Variants in RHD observed in about 807,000 individuals in gnomAD.
RHD encodes the protein blood group Rh(D) polypeptide.
RHD carries 16 observed loss-of-function variants against 45.5 expected under a neutral mutation model. That is an observed-to-expected ratio of 0.35 (90% CI 0.24 to 0.53). The LOEUF (loss-of-function observed/expected upper bound fraction) is 0.53. RHD is among the 20% of genes least tolerant of loss of function. The pLI, the probability that RHD is intolerant of heterozygous loss-of-function variation, is 0.92. For synonymous variants in RHD, 131 were observed against 217.5 expected (o/e 0.60, Z 3.50); for missense variants, 306 against 532.0 (o/e 0.58, Z 4.18).
rs1462148036 is a variant in RHD, at chr1:25,299,152, C to T, written c.487-1794C>T. ...ATCCCAGCGCTTTGGGAGGCCAAGG[C>T]GGATGGATCACTTGAGGTCAGGAGT... On this transcript the variant is annotated intron_variant, in intron 3 of 9. Transcript: ENST00000328664. Among the ~76,000 whole-genome samples the T allele has an allele frequency of 1.2e-4, 15 of 123,740 alleles. 2 individuals are homozygous for T. The highest frequency in any genetic ancestry group is 1.0e-3 in the Admixed American group (13 of 12,722). 81.2% of individuals were successfully genotyped at this position (123,740 alleles called of 152,430 possible). A position where few individuals can be genotyped will look rare whatever the true frequency, so the allele number is the denominator to read the frequency against.
rs200713124 is a variant in RHD, at chr1:25,305,583, TTTGTTGTTGTTGTTG to T, written c.940-991_940-977del. 1.7e-5 allele frequency among the ~76,000 whole-genome samples: 2 copies of T among 118,812 alleles called. 1 individual carries two copies. Among genetic ancestry groups the T allele is most frequent in the Non-Finnish European group, 3.9e-5 (2 of 51,120 alleles). 77.9% of individuals were successfully genotyped at this position (118,812 alleles called of 152,430 possible). A position where few individuals can be genotyped will look rare whatever the true frequency, so the allele number is the denominator to read the frequency against. On this transcript the variant is annotated intron_variant, in intron 6 of 9. Coordinates refer to ENST00000328664, the MANE Select transcript of RHD (RefSeq NM_016124.6). ...GGCTAATTTTCGTGTGTGTATGTAT[TTTGTTGTTGTTGTTG>T]TTGTTGTTGTTGTTGTTGTTGAGAC...
rs1243386917 is a variant in RHD at position 25,291,274 on chromosome 1, G to T, written c.486+483G>T. ...ACCTGAGGTCAGGAGTTCAAGACCA[G>T]CCTGGTCAACATGGGGGAACCTCAT... On this transcript the variant is annotated intron_variant, in intron 3 of 9. Coordinates refer to ENST00000328664, the MANE Select transcript of RHD (RefSeq NM_016124.6). Among the ~76,000 whole-genome samples, 2 of 130,728 alleles carry T rather than the reference G, an allele frequency of 1.5e-5. 1 individual carries two copies. Among genetic ancestry groups the T allele is most frequent in the East Asian group, 3.9e-4 (2 of 5,108 alleles). The allele number at this position is 130,728 out of a possible 152,430, so 85.8% of individuals were successfully genotyped here. A position where few individuals can be genotyped will look rare whatever the true frequency, so the allele number is the denominator to read the frequency against.
intron 2 of RHD, among the ~76,000 whole-genome samples, chr1:25,289,024 G>C (rs1208013672): frequency 7.5e-6 from 1 of 133,870 alleles, no homozygotes; most frequent in Non-Finnish European, 1.8e-5. Flanking sequence ...CACTGGGGAA[G>C]CTGAGTCCAG....
At chr1:25,307,299 G>A (rs1264864939) in intron 7 of RHD, among the ~76,000 whole-genome samples, 2 of 131,838 alleles carry the variant, frequency 1.5e-5, no homozygotes, top group Admixed American at 1.5e-4. Flanking sequence ...CTCCAGACCA[G>A]AGGTAGGTCC....
chr1:25,287,498 G>T (rs975836275), intron 2 of RHD, among the ~76,000 whole-genome samples: 7 of 135,092 alleles, frequency 5.2e-5, no homozygotes, highest in African/African-American at 1.5e-4. Flanking sequence ...GTGCTGATGG[G>T]TGGTGCCCAG....
Position 25,309,320 on chromosome 1 carries a change from G to T in RHD, c.1073+2591G>T, listed in dbSNP as rs1317071825. ...TTTCAATTCTCAGTCCTTTGATTAC[G>T]TCAGGGAGAAAAGAAAGTCCCCACT... is the stretch of plus-strand genomic sequence containing the variant. On this transcript the variant is annotated intron_variant, in intron 7 of 9. Transcript: ENST00000328664. Among the ~76,000 whole-genome samples, 2 of 130,818 alleles carry T rather than the reference G, an allele frequency of 1.5e-5. 1 individual carries two copies. Among genetic ancestry groups the T allele is most frequent in the Non-Finnish European group, 3.6e-5 (2 of 55,702 alleles). The allele number at this position is 130,818 out of a possible 152,430, so 85.8% of individuals were successfully genotyped here.
rs1400540329 is a variant in RHD, at chr1:25,293,544, T to C, written c.486+2753T>C. Among the ~76,000 whole-genome samples the C allele has an allele frequency of 3.8e-5, 5 of 131,694 alleles. 1 individual carries two copies. Among genetic ancestry groups the C allele is most frequent in the Non-Finnish European group, 5.4e-5 (3 of 55,744 alleles). The allele number at this position is 131,694 out of a possible 152,430, so 86.4% of individuals were successfully genotyped here. A position where few individuals can be genotyped will look rare whatever the true frequency, so the allele number is the denominator to read the frequency against. On this transcript the variant is annotated intron_variant, in intron 3 of 9. Transcript: ENST00000328664. ...GTTTACAATGGATAATATTTTGATA[T>C]GTCTCTGGGGAAACTTGCCCTTAAA...
intron 7 of RHD, among the ~76,000 whole-genome samples, chr1:25,309,535 T>C (rs1218717324): frequency 7.6e-6 from 1 of 132,212 alleles, no homozygotes; most frequent in African/African-American, 2.6e-5. Context: ...AATTCAATTA[T>C]TTAAATGTAA....
intron 9 of RHD, among the ~76,000 whole-genome samples, chr1:25,322,588 A>G (rs28435180): frequency 0.97 from 126,060 of 130,400 alleles, 61,636 homozygotes; most frequent in East Asian, 1. Flanking sequence ...CAGGAGAATC[A>G]CTTGAACCTG....
Position 25,329,183 on chromosome 1 carries a change from G to C in RHD, c.*259G>C, listed in dbSNP as rs1280183325. The C allele has an allele frequency of 2.8e-5, 22 of 797,402 alleles. 4 individuals carry two copies. In the African/African-American group the frequency reaches 3.8e-4, roughly 14 times the overall value. 49.4% of individuals were successfully genotyped at this position (797,402 alleles called of 1,614,324 possible). A position where few individuals can be genotyped will look rare whatever the true frequency, so the allele number is the denominator to read the frequency against. Reference sequence around the variant, plus strand: ...ACAACATCTTGGTAAACAACAGACTGCATATATGATGGTGGTCATCCAGTA... The same window carrying C: ...ACAACATCTTGGTAAACAACAGACTCCATATATGATGGTGGTCATCCAGTA... On this transcript the variant is annotated 3_prime_UTR_variant, in exon 10 of 10. Coordinates refer to ENST00000328664, the MANE Select transcript of RHD (RefSeq NM_016124.6).
In RHD at chr1:25,288,058, TC is replaced by T. The variant is rs1201320382; in HGVS notation, c.336-2581del. ...TTTGAGACAGGGTCTCACTCTGTTG[TC>T]CAGGCTGGAGTGAAGTGGCATGTTC... On this transcript the variant is annotated intron_variant, in intron 2 of 9. Transcript: ENST00000328664. Among the ~76,000 whole-genome samples the T allele has an allele frequency of 1.5e-5, 2 of 132,882 alleles. 1 individual carries two copies. The highest frequency in any genetic ancestry group is 5.1e-5 in the African/African-American group (2 of 38,932). The allele number at this position is 132,882 out of a possible 152,430, so 87.2% of individuals were successfully genotyped here.
At position 25,272,589 on chromosome 1, in the gene RHD, C is replaced by T. The variant is rs769405158; in HGVS notation, c.42C>T (p.Pro14=). The change falls in exon 1 of 10, where the codon CCC becomes CCT. Residue 14 remains proline (P), a synonymous_variant. Coordinates refer to ENST00000328664, the MANE Select transcript of RHD (RefSeq NM_016124.6). ...CGCGGTCTGTCCGGCGCTGCCTGCC[C>T]CTCTGGGCCCTAACACTGGAAGCAG... The part of the protein sequence containing the change: ...KYPRSVRRCL[P]LWALTLEAAL... The T allele has an allele frequency of 4.4e-6, 7 of 1,583,776 alleles. No individual in the cohort carries two copies. Among genetic ancestry groups the T allele is most frequent in the East Asian group, 2.2e-5 (1 of 44,788 alleles).
rs141540728 is a variant in RHD, at chr1:25,301,539, G to C, written c.654G>C (p.Met218Ile). ...CCCCAGGCGCCCTCTTCTTGTGGAT[G>C]TTCTGGCCAAGTTTCAACTCTGCTC... The part of the protein sequence containing the change: ...SAMLGALFLW[M>I]FWPSFNSALL... Residue 218 changes from methionine (M) to isoleucine (I), a missense_variant, in exon 5 of 10, where the codon ATG becomes ATC. Coordinates refer to ENST00000328664, the MANE Select transcript of RHD (RefSeq NM_016124.6). The C allele has an allele frequency of 2.4e-3, 3,375 of 1,378,450 alleles. 574 individuals are homozygous for C. In the African/African-American group the frequency reaches 0.042, roughly 17 times the overall value. 85.4% of individuals were successfully genotyped at this position (1,378,450 alleles called of 1,614,324 possible). A position where few individuals can be genotyped will look rare whatever the true frequency, so the allele number is the denominator to read the frequency against.
chr1:25,284,086 G>A (rs1266532172), intron 1 of RHD, among the ~76,000 whole-genome samples: 3 of 135,326 alleles, frequency 2.2e-5, no homozygotes, highest in African/African-American at 7.7e-5. Flanking sequence ...AACAACAAGA[G>A]CGCTGGGCCT....
intron 5 of RHD, 123 bp downstream of exon 5, chr1:25,301,809 G>A (rs1643412704): frequency 3.9e-6 from 3 of 778,266 alleles, no homozygotes; most frequent in East Asian, 2.5e-5. Flanking sequence ...GTGGAGCTGT[G>A]CCTGCCTCTA....
chr1:25,285,678 A>G (rs186547493), intron 2 of RHD, among the ~76,000 whole-genome samples: 2 of 135,300 alleles, frequency 1.5e-5, no homozygotes, highest in African/African-American at 2.5e-5. Flanking sequence ...AATGTTCTCT[A>G]TGTTCACCTG....
In RHD at chr1:25,313,325, A is replaced by G. The variant is rs1200645801; in HGVS notation, c.1074-3675A>G. On this transcript the variant is annotated intron_variant, in intron 7 of 9. Coordinates refer to ENST00000328664, the MANE Select transcript of RHD (RefSeq NM_016124.6). ...CAGCCTCCAGAACCATGAGCTATAT[A>G]TACTTATTTTACAAATTACCCATTC... 1.5e-5 allele frequency among the ~76,000 whole-genome samples: 2 copies of G among 132,466 alleles called. 1 individual carries two copies. Among genetic ancestry groups the G allele is most frequent in the Non-Finnish European group, 3.6e-5 (2 of 55,842 alleles). 86.9% of individuals were successfully genotyped at this position (132,466 alleles called of 152,430 possible).
At chr1:25,319,648 A>C (rs1285054954) in intron 8 of RHD, among the ~76,000 whole-genome samples, 2 of 132,310 alleles carry the variant, frequency 1.5e-5, no homozygotes, top group East Asian at 3.9e-4. Context: ...GGAAGGGGGA[A>C]AAAGTTCCTC....
At position 25,300,037 on chromosome 1, in the gene RHD, G is replaced by T. The variant is rs140644196; in HGVS notation, c.487-909G>T. Among the ~76,000 whole-genome samples the T allele has an allele frequency of 3.3e-3, 427 of 131,254 alleles. 81 individuals carry two copies. Among genetic ancestry groups the T allele is most frequent in the Middle Eastern group, 0.013 (3 of 240 alleles). The allele number at this position is 131,254 out of a possible 152,430, so 86.1% of individuals were successfully genotyped here. On this transcript the variant is annotated intron_variant, in intron 3 of 9. Transcript: ENST00000328664. The stretch of plus-strand genomic sequence containing the variant: ...AGTGCTGGGATTACAGGCAAAATTA[G>T]AATATATCTAGAATTTCCTGAAGAC...
Sources: gnomAD v4.1 joint callset for allele counts (sites outside exome capture counted in the v4.1 genomes callset) on GRCh38, gnomAD v4.1.1 for gene constraint, MANE v1.5 for transcripts, NCBI Gene and HGNC (gene_info 2026-07-23, HGNC 2026-07-21) for gene names.